SKAP1: variants seen among roughly 807,000 people sequenced by gnomAD.
SKAP1 encodes src kinase associated phosphoprotein 1.
SKAP1 carries 44 observed loss-of-function variants against 58.5 expected under a neutral mutation model. The ratio of observed to expected loss-of-function variants is 0.75; its 90% confidence interval spans 0.59 to 0.97. SKAP1 has a LOEUF of 0.97. Among genes scored for constraint, SKAP1 ranks in the 50% least tolerant of loss-of-function variants. The pLI is 0.00. For synonymous variants in SKAP1, 127 were observed against 149.7 expected (o/e 0.85, Z 1.11); for missense variants, 390 against 435.2 (o/e 0.90, Z 0.92).
chr17:48,226,457 T>C (rs1379306814), intron 4 of SKAP1, among the ~76,000 whole-genome samples: 1 of 152,176 alleles, frequency 6.6e-6, no homozygotes, highest in East Asian at 1.9e-4. Flanking sequence ...ATCTCTATTA[T>C]GGATCAGAAA....
chr17:48,243,536 T>C (rs2065263601), intron 4 of SKAP1, among the ~76,000 whole-genome samples: 2 of 152,154 alleles, frequency 1.3e-5, no homozygotes, highest in African/African-American at 4.8e-5. Context: ...ATGTTGAACA[T>C]GGTAACATAT....
chr17:48,272,647 T>C (rs564805957), intron 4 of SKAP1, among the ~76,000 whole-genome samples: 10 of 152,102 alleles, frequency 6.6e-5, no homozygotes, highest in Admixed American at 2.0e-4. Context: ...CCTCTGCCCA[T>C]TGGGCTCAAG....
chr17:48,138,795 C>T (rs1459505529), intron 11 of SKAP1, among the ~76,000 whole-genome samples: 2 of 151,844 alleles, frequency 1.3e-5, no homozygotes, highest in African/African-American at 2.4e-5. Flanking sequence ...GGATTACAGG[C>T]GTGAGCCACT....
intron 4 of SKAP1, among the ~76,000 whole-genome samples, chr17:48,199,277 A>G (rs1310869333): frequency 6.6e-6 from 1 of 152,170 alleles, no homozygotes; most frequent in African/African-American, 2.4e-5. Flanking sequence ...GATGAAACTC[A>G]AACTCTCCAG....
At chr17:48,150,022 A>G (rs2063881647) in intron 11 of SKAP1, among the ~76,000 whole-genome samples, 1 of 152,128 alleles carries the variant, frequency 6.6e-6, no homozygotes, top group Admixed American at 6.5e-5. Context: ...TTTGAATCCA[A>G]TTATTTTGGG....
At chr17:48,329,411 A>G (rs2066476334) in intron 4 of SKAP1, among the ~76,000 whole-genome samples, 1 of 152,234 alleles carries the variant, frequency 6.6e-6, no homozygotes, top group Admixed American at 6.5e-5. Context: ...CTGGAGGAGT[A>G]ACAATCAACG....
chr17:48,241,339 C>T (rs1019629840), intron 4 of SKAP1, among the ~76,000 whole-genome samples: 6 of 152,052 alleles, frequency 3.9e-5, no homozygotes, highest in African/African-American at 1.4e-4. Context: ...TATGTGTTTA[C>T]TCCTCTGTGT....
chr17:48,398,396 A>G (rs1167767052), intron 1 of SKAP1, among the ~76,000 whole-genome samples: 4 of 152,080 alleles, frequency 2.6e-5, no homozygotes, highest in African/African-American at 9.7e-5. Context: ...AGTTGCAGAA[A>G]AACAAGCTCA....
At chr17:48,404,207 C>A (rs1275561344) in intron 1 of SKAP1, among the ~76,000 whole-genome samples, 2 of 151,962 alleles carry the variant, frequency 1.3e-5, no homozygotes, top group Non-Finnish European at 1.5e-5. Flanking sequence ...AATCCCAGCA[C>A]TTTGGGTGGC....
intron 11 of SKAP1, among the ~76,000 whole-genome samples, chr17:48,152,084 ATAAC>A (rs2063909131): frequency 6.6e-6 from 1 of 152,226 alleles, no homozygotes; most frequent in Non-Finnish European, 1.5e-5. Flanking sequence ...AAGTTTTTAA[ATAAC>A]TAGTTTTCTG....
chr17:48,274,696 CA>C (rs35179325), intron 4 of SKAP1, among the ~76,000 whole-genome samples: 7 of 147,726 alleles, frequency 4.7e-5, no homozygotes, highest in African/African-American at 7.5e-5. Flanking sequence ...AACTCCTTCT[CA>C]AAAAAAAAAA....
intron 2 of SKAP1, among the ~76,000 whole-genome samples, chr17:48,384,360 C>T (rs375887200): frequency 2.0e-5 from 3 of 152,154 alleles, no homozygotes; most frequent in East Asian, 1.9e-4. Flanking sequence ...AGTTCAGTTC[C>T]GGACATTCAA....
chr17:48,313,557 C>T (rs1327038181), intron 4 of SKAP1, among the ~76,000 whole-genome samples: 1 of 152,146 alleles, frequency 6.6e-6, no homozygotes, highest in South Asian at 2.1e-4. Flanking sequence ...GCATTATGCA[C>T]TACATGTTCA....
chr17:48,272,776 C>T (rs548387385), intron 4 of SKAP1, among the ~76,000 whole-genome samples: 6 of 152,082 alleles, frequency 3.9e-5, no homozygotes, highest in Admixed American at 1.3e-4. Flanking sequence ...AGGCTGGTCT[C>T]GAACTCCTGA....
chr17:48,283,949 C>T (rs971655471), intron 4 of SKAP1, among the ~76,000 whole-genome samples: 1 of 152,176 alleles, frequency 6.6e-6, no homozygotes, highest in African/African-American at 2.4e-5. Context: ...TATTTCAATG[C>T]CATTCTCTGT....
chr17:48,420,826 T>C lies in SKAP1; in HGVS notation c.46+9249A>G, dbSNP rs140582272. 7.9e-5 allele frequency among the ~76,000 whole-genome samples: 12 copies of C among 152,038 alleles called. No individual in the cohort carries two copies. The East Asian group carries it at 2.1e-3, about 27-fold the overall frequency. ...GGATGATTCTTTACTGTGGAGGGAG[T>C]GTCCTGTGCATTGTAGGAAGTTTAG... On this transcript the variant is annotated intron_variant, in intron 1 of 12. Coordinates refer to ENST00000336915, the MANE Select transcript of SKAP1 (RefSeq NM_003726.4).
intron 2 of SKAP1, among the ~76,000 whole-genome samples, chr17:48,380,861 G>A (rs900691542): frequency 6.6e-6 from 1 of 152,156 alleles, no homozygotes; most frequent in Non-Finnish European, 1.5e-5. Context: ...GAAAATTTGT[G>A]AATACAGTCT....
intron 4 of SKAP1, among the ~76,000 whole-genome samples, chr17:48,279,760 G>A (rs759850853): frequency 1.3e-5 from 2 of 152,166 alleles, no homozygotes; most frequent in South Asian, 4.2e-4. Context: ...TCCCCAACGG[G>A]GTCATCTCAT....
intron 4 of SKAP1, among the ~76,000 whole-genome samples, chr17:48,289,702 T>C (rs922068455): frequency 6.6e-6 from 1 of 152,078 alleles, no homozygotes; most frequent in Non-Finnish European, 1.5e-5. Flanking sequence ...AGCCCTATTA[T>C]GTTGTAATCT....
Sources: allele counts gnomAD v4.1 joint callset (sites outside exome capture counted in the v4.1 genomes callset), GRCh38; gene constraint gnomAD v4.1.1; transcripts MANE v1.5; gene names NCBI Gene and HGNC (gene_info 2026-07-23, HGNC 2026-07-21).